Variants in EHD4 observed in about 807,000 individuals in gnomAD.
EHD4 encodes the protein EH domain-containing protein 4.
EHD4 carries 37 observed loss-of-function variants against 51.0 expected under a neutral mutation model. That is an observed-to-expected ratio of 0.73 (90% confidence interval 0.56 to 0.95). The LOEUF (loss-of-function observed/expected upper bound fraction) is 0.95. Among genes scored for constraint, EHD4 ranks in the 40% least tolerant of loss-of-function variants. The probability of loss-of-function intolerance (pLI) is 0.00; values close to 1 mark genes in which losing one functional copy is unlikely to be tolerated. For synonymous variants in EHD4, 297 were observed against 317.3 expected, an observed-to-expected ratio of 0.94 and a Z score of 0.68; for missense variants, 632 against 733.1, an observed-to-expected ratio of 0.86 and a Z score of 1.59.
chr15:41,957,914 C>T (rs1595545300), intron 1 of EHD4, among the ~76,000 whole-genome samples: 1 of 151,830 alleles, frequency 6.6e-6, no homozygotes, highest in East Asian at 1.9e-4. Flanking sequence ...GTGATGGATC[C>T]ACACACAGCA....
At chr15:41,910,517 C>T (rs2067542646) in intron 4 of EHD4, among the ~76,000 whole-genome samples, 1 of 152,166 alleles carries the variant, frequency 6.6e-6, no homozygotes, top group African/African-American at 2.4e-5. Flanking sequence ...TTCCACTCTT[C>T]TACTGATTTC....
intron 3 of EHD4, 166 bp downstream of exon 3, chr15:41,942,901 A>G (rs1355810394): frequency 1.7e-6 from 1 of 589,344 alleles, no homozygotes. Context: ...TGGAGGGGGC[A>G]GAGTCTTTGA....
intron 4 of EHD4, among the ~76,000 whole-genome samples, chr15:41,911,331 A>G (rs2067547999): frequency 6.6e-6 from 1 of 152,264 alleles, no homozygotes; most frequent in African/African-American, 2.4e-5. Context: ...AAATGAAGAC[A>G]ATTGAAATGA....
At chr15:41,965,128 C>T (rs542266689) in intron 1 of EHD4, among the ~76,000 whole-genome samples, 74 of 152,156 alleles carry the variant, frequency 4.9e-4, no homozygotes, top group African/African-American at 1.6e-3. Flanking sequence ...AAGAAAAAAA[C>T]TAGAAATACA....
intron 4 of EHD4, among the ~76,000 whole-genome samples, chr15:41,913,073 T>G (rs1325674676): frequency 6.6e-6 from 1 of 152,174 alleles, no homozygotes; most frequent in Non-Finnish European, 1.5e-5. Context: ...GAAGGGTCCT[T>G]TATTCTCCCT....
At chr15:41,968,487 A>G (rs541162002) in intron 1 of EHD4, among the ~76,000 whole-genome samples, 1 of 120,808 alleles carries the variant, frequency 8.3e-6, no homozygotes, top group South Asian at 2.5e-4. Flanking sequence ...ATGGGGTCTC[A>G]CTATGTTGCC....
chr15:41,927,974 G>A (rs2067673591), intron 3 of EHD4, among the ~76,000 whole-genome samples: 1 of 152,166 alleles, frequency 6.6e-6, no homozygotes, highest in South Asian at 2.1e-4. Context: ...TTCTAAAAAA[G>A]GGTTGTTACT....
In EHD4 at chr15:41,900,700, A is replaced by T; in HGVS notation, c.1571T>A (p.Leu524Gln). The T allele has an allele frequency of 6.2e-7, 1 of 1,607,358 alleles. No homozygotes were observed. The highest frequency in any genetic ancestry group is 1.1e-5 in the South Asian group (1 of 91,054). The change falls in exon 6 of 6, where the codon CTG becomes CAG. Residue 524 changes from leucine (L) to glutamine (Q), a missense_variant. Transcript: ENST00000220325. The surrounding 1 kb of genome is among the most constrained non-coding windows in gnomAD (Gnocchi z 4.8). ...KLDGYELPSS[L>Q]PPHLVPPSHR... The stretch of plus-strand genomic sequence containing the variant: ...CGAGGGGGGCACGAGGTGGGGGGGC[A>T]GGCTGCTGGGCAGCTCGTAGCCGTC...
chr15:41,964,236 T>TAATATGGA (rs1566828218), intron 1 of EHD4, among the ~76,000 whole-genome samples: 1 of 148,214 alleles, frequency 6.7e-6, no homozygotes, highest in Non-Finnish European at 1.5e-5. Flanking sequence ...ATTCACAAAG[T>TAATATGGA]AATATGGAAG....
At chr15:41,954,072 G>T in intron 1 of EHD4, 132 bp from the exon 2 acceptor site, 1 of 962,878 alleles carries the variant, frequency 1.0e-6, no homozygotes, top group Non-Finnish European at 1.5e-6. Context: ...AGAAAAGCAC[G>T]CAATCCTCCT....
chr15:41,918,630 C>T (rs892029328), intron 4 of EHD4, among the ~76,000 whole-genome samples: 4 of 152,148 alleles, frequency 2.6e-5, no homozygotes, highest in African/African-American at 7.2e-5. Flanking sequence ...GGAGCCCAGG[C>T]ATGCAGGCTA....
intron 3 of EHD4, among the ~76,000 whole-genome samples, chr15:41,940,943 AAAAG>A (rs1451217222): frequency 2.0e-4 from 30 of 152,330 alleles, no homozygotes; most frequent in African/African-American, 7.0e-4. Flanking sequence ...TTTAGAGGTA[AAAAG>A]AAAGAGTTAG....
Position 41,897,933 on chromosome 15 carries a change from C to G in EHD4, c.*2712G>C, listed in dbSNP as rs1438799952. On this transcript the variant is annotated 3_prime_UTR_variant, in exon 6 of 6. Transcript: ENST00000220325. The stretch of plus-strand genomic sequence containing the variant: ...GGGCAACGGTGATGGTGAGCAGGCC[C>G]CAGGGTCGGCCCTGCCGCCCTGCCG... 1 of 152,258 alleles carries G rather than the reference C, an allele frequency of 6.6e-6. No individual in the cohort carries two copies. Among genetic ancestry groups the G allele is most frequent in the African/African-American group, 2.4e-5 (1 of 41,436 alleles). The allele number at this position is 152,258 out of a possible 1,614,324, so 9.4% of individuals were successfully genotyped here.
chr15:41,960,335 G>A (rs1310253814), intron 1 of EHD4, among the ~76,000 whole-genome samples: 1 of 152,114 alleles, frequency 6.6e-6, no homozygotes, highest in Non-Finnish European at 1.5e-5. Context: ...TTAACATTTT[G>A]ATGTATTTCC....
intron 4 of EHD4, among the ~76,000 whole-genome samples, chr15:41,918,433 G>C (rs75238763): frequency 2.6e-5 from 4 of 152,170 alleles, no homozygotes; most frequent in African/African-American, 4.8e-5. Flanking sequence ...TATGAAACAT[G>C]CACATATTTT....
chr15:41,966,362 CT>C (rs2067961705), intron 1 of EHD4, among the ~76,000 whole-genome samples: 1 of 152,182 alleles, frequency 6.6e-6, no homozygotes, highest in Non-Finnish European at 1.5e-5. Flanking sequence ...CTCTCCCTGG[CT>C]TTTGTGGGGG....
rs182386459 is a variant in EHD4 at position 41,919,222 on chromosome 15, C to T, written c.912G>A (p.Ala304=). 2.3e-5 allele frequency: 37 copies of T among 1,613,910 alleles called. No individual in the cohort carries two copies. The Admixed American group carries it at 2.7e-4, about 12-fold the overall frequency. Residue 304 remains alanine (A), a synonymous_variant, in exon 4 of 6, where the codon GCG becomes GCA. Coordinates refer to ENST00000220325, the MANE Select transcript of EHD4 (RefSeq NM_139265.4). The stretch of plus-strand genomic sequence containing the variant: ...TCTCCTGGCTTACCTTGGCCAGCCT[C>T]GCTCGCTTGATGAGGTCGTTGAGCT... ...VRKLNDLIKR[A]RLAKVHAYII...
At chr15:41,971,966 CCT>C (rs1206031369) in intron 1 of EHD4, among the ~76,000 whole-genome samples, 1 of 152,224 alleles carries the variant, frequency 6.6e-6, no homozygotes, top group African/African-American at 2.4e-5. Context: ...GCTCGCGCCC[CCT>C]CTCTCCCTTG....
rs186269215 is a variant in EHD4 at position 41,966,998 on chromosome 15, C to T, written c.236+5261G>A. Among the ~76,000 whole-genome samples, 4 of 152,334 alleles carry T rather than the reference C, an allele frequency of 2.6e-5. No homozygotes were observed. In the East Asian group the frequency reaches 7.7e-4, roughly 29 times the overall value. On this transcript the variant is annotated intron_variant, in intron 1 of 5. Coordinates refer to ENST00000220325, the MANE Select transcript of EHD4 (RefSeq NM_139265.4). ...GTCAACAGACCAGCCCAGATATCTC[C>T]CTGAGCTCCAGACCCATGTCTTACC... is the stretch of plus-strand genomic sequence containing the variant.
Sources: allele counts gnomAD v4.1 joint callset (sites outside exome capture counted in the v4.1 genomes callset), GRCh38; gene constraint gnomAD v4.1.1; non-coding constraint Gnocchi (gnomAD v3.1); transcripts MANE v1.5; gene names NCBI Gene and HGNC (gene_info 2026-07-23, HGNC 2026-07-21).